Variants in RGS7 observed in about 807,000 individuals in gnomAD.
The protein encoded by RGS7 is regulator of G protein signaling 7.
In RGS7, 27 loss-of-function variants were observed where a neutral mutation model predicts 81.1. That is an observed-to-expected ratio of 0.33 (90% CI 0.25 to 0.46). The LOEUF (loss-of-function observed/expected upper bound fraction) is 0.46. Among genes scored for constraint, RGS7 ranks in the 20% least tolerant of loss-of-function variants. RGS7 has a pLI of 1.00. For missense variants in RGS7, 396 were observed against 607.4 expected (o/e 0.65, Z 3.66); for synonymous variants, 208 against 207.7 (o/e 1.00, Z -0.01).
intron 18 of RGS7, among the ~76,000 whole-genome samples, chr1:240,796,702 A>G (rs1267823895): frequency 1.3e-5 from 2 of 152,090 alleles, no homozygotes; most frequent in Non-Finnish European, 2.9e-5. Flanking sequence ...AACAACAATA[A>G]CAACAAACAG....
intron 3 of RGS7, among the ~76,000 whole-genome samples, chr1:241,077,011 T>G (rs2062842224): frequency 6.6e-6 from 1 of 152,202 alleles, no homozygotes; most frequent in Non-Finnish European, 1.5e-5. Context: ...ACCTTATAAC[T>G]TCGCTTTTCT....
intron 2 of RGS7, among the ~76,000 whole-genome samples, chr1:241,315,394 A>G (rs1160376128): frequency 6.6e-6 from 1 of 152,022 alleles, no homozygotes; most frequent in African/African-American, 2.4e-5. Flanking sequence ...ATAGCCTTGC[A>G]ATTTCAGAAT....
chr1:241,192,107 C>T (rs1249454313), intron 2 of RGS7, among the ~76,000 whole-genome samples: 2 of 151,654 alleles, frequency 1.3e-5, no homozygotes, highest in Non-Finnish European at 2.9e-5. Context: ...TATCTAAAAG[C>T]TCCATATCTT....
chr1:241,321,153 G>T (rs2081184965), intron 2 of RGS7, among the ~76,000 whole-genome samples: 1 of 152,134 alleles, frequency 6.6e-6, no homozygotes, highest in African/African-American at 2.4e-5. Context: ...TTGTAGCTGG[G>T]GTGGGGCGAG....
intron 2 of RGS7, among the ~76,000 whole-genome samples, chr1:241,234,808 T>G (rs868060542): frequency 5.3e-5 from 8 of 152,090 alleles, no homozygotes; most frequent in African/African-American, 1.7e-4. Flanking sequence ...CACATAGTAG[T>G]TACTTAATTA....
rs191526046 is a variant in RGS7, at chr1:241,097,488, C to A, written c.175+1178G>T. 2.6e-3 allele frequency among the ~76,000 whole-genome samples: 394 copies of A among 152,212 alleles called. 1 individual carries two copies. The highest frequency in any genetic ancestry group is 9.0e-3 in the African/African-American group (374 of 41,544). ...CTATTATTCCTGTCCTGATCTCTAC[C>A]CTCTTCCTAGGCTTGACAGCTTCCT... On this transcript the variant is annotated intron_variant, in intron 3 of 18. Coordinates refer to ENST00000440928, the MANE Select transcript of RGS7 (RefSeq NM_001364886.1).
chr1:240,989,909 C>A (rs564152458), intron 3 of RGS7, among the ~76,000 whole-genome samples: 11 of 152,294 alleles, frequency 7.2e-5, no homozygotes, highest in African/African-American at 2.4e-4. Flanking sequence ...GAGGCAGAGA[C>A]TGTCATCCTT....
At chr1:241,089,060 T>TCA (rs1286292515) in intron 3 of RGS7, among the ~76,000 whole-genome samples, 1 of 61,400 alleles carries the variant, frequency 1.6e-5, no homozygotes, top group Non-Finnish European at 3.2e-5. Context: ...TCTCTCTCTC[T>TCA]CTCTATATAT....
At chr1:241,099,227 A>C (rs1333435872) in intron 2 of RGS7, among the ~76,000 whole-genome samples, 1 of 152,040 alleles carries the variant, frequency 6.6e-6, no homozygotes, top group Non-Finnish European at 1.5e-5. Context: ...AAGTTCTAAA[A>C]CCTGCCTAGA....
At chr1:240,831,068 T>C (rs1302886995) in intron 9 of RGS7, among the ~76,000 whole-genome samples, 1 of 152,166 alleles carries the variant, frequency 6.6e-6, no homozygotes, top group Non-Finnish European at 1.5e-5. Context: ...GACTGAACGG[T>C]AAGATATGTT....
rs551528321 is a variant in RGS7 at position 240,866,338 on chromosome 1, C to T, written c.609+2249G>A. Among the ~76,000 whole-genome samples, 286 of 152,146 alleles carry T rather than the reference C, an allele frequency of 1.9e-3. 1 individual carries two copies. Among genetic ancestry groups the T allele is most frequent in the Non-Finnish European group, 2.6e-3 (177 of 67,998 alleles). ...CATCCTTGCTAACACGGTGAAACCCCGTCTCTACTAAAAATACAAAAAATT... is the reference window on the plus strand; with the variant it reads ...CATCCTTGCTAACACGGTGAAACCCTGTCTCTACTAAAAATACAAAAAATT... On this transcript the variant is annotated intron_variant, in intron 9 of 18. Coordinates refer to ENST00000440928, the MANE Select transcript of RGS7 (RefSeq NM_001364886.1).
At chr1:241,311,182 G>GAA (rs2080505340) in intron 2 of RGS7, among the ~76,000 whole-genome samples, 1 of 152,140 alleles carries the variant, frequency 6.6e-6, no homozygotes, top group African/African-American at 2.4e-5. Context: ...AGCACCTTTT[G>GAA]AAAACACAAT....
intron 3 of RGS7, among the ~76,000 whole-genome samples, chr1:241,010,475 C>T (rs1212011595): frequency 6.6e-6 from 1 of 152,204 alleles, no homozygotes; most frequent in South Asian, 2.1e-4. Flanking sequence ...AAGAACTCTG[C>T]TCTGTGATGA....
chr1:241,223,374 T>C (rs1306571584), intron 2 of RGS7, among the ~76,000 whole-genome samples: 1 of 152,172 alleles, frequency 6.6e-6, no homozygotes, highest in Admixed American at 6.5e-5. Flanking sequence ...AAAGAAAATG[T>C]CCTGATCAAA....
intron 4 of RGS7, among the ~76,000 whole-genome samples, chr1:240,949,847 C>CAAAAAAA (rs57421740): frequency 2.2e-5 from 2 of 91,942 alleles, no homozygotes; most frequent in African/African-American, 4.5e-5. Flanking sequence ...GACTCTGACT[C>CAAAAAAA]AAAAAAAAAA....
At chr1:240,812,071 C>T in intron 13 of RGS7, 28 bp from the exon 14 acceptor site, 2 of 1,613,608 alleles carry the variant, frequency 1.2e-6, no homozygotes, top group Middle Eastern at 1.7e-4. Flanking sequence ...AAGGCAAATA[C>T]ATTCCTTTCA....
At chr1:241,280,980 ATAC>A (rs2078470364) in intron 2 of RGS7, among the ~76,000 whole-genome samples, 1 of 152,220 alleles carries the variant, frequency 6.6e-6, no homozygotes, top group Non-Finnish European at 1.5e-5. Flanking sequence ...TTCAATAAAT[ATAC>A]TACAAAGTTT....
chr1:240,973,498 A>G (rs558706589), intron 4 of RGS7, among the ~76,000 whole-genome samples: 1 of 148,560 alleles, frequency 6.7e-6, no homozygotes, highest in African/African-American at 2.4e-5. Flanking sequence ...TGACAGAGCA[A>G]GACTGACTCT....
intron 6 of RGS7, among the ~76,000 whole-genome samples, chr1:240,901,521 C>T (rs1670014646): frequency 6.6e-6 from 1 of 152,212 alleles, no homozygotes; most frequent in Admixed American, 6.5e-5. Context: ...GCTCGAAAGC[C>T]TGAACCCAGT....
Sources: allele counts gnomAD v4.1 joint callset (sites outside exome capture counted in the v4.1 genomes callset), GRCh38; gene constraint gnomAD v4.1.1; transcripts MANE v1.5; gene names NCBI Gene and HGNC (gene_info 2026-07-23, HGNC 2026-07-21).